The following ZGRF1 variants were observed in gnomAD, a reference collection of about 807,000 sequenced individuals.
ZGRF1 encodes 5'-3' DNA helicase ZGRF1.
Under a neutral mutation model 203.5 loss-of-function variants are expected in ZGRF1, and 196 were observed. The ratio of observed to expected loss-of-function variants is 0.96; its 90% CI spans 0.86 to 1.08. The LOEUF (loss-of-function observed/expected upper bound fraction) is 1.08. ZGRF1 is among the 50% of genes least tolerant of loss of function. The pLI is 0.00. For synonymous variants in ZGRF1, 809 were observed against 841.3 expected (o/e 0.96, Z 0.66); for missense variants, 2,326 against 2,416.3 (o/e 0.96, Z 0.78).
Position 112,563,224 on chromosome 4 carries a change from TAA to T in ZGRF1, c.4487_4488del (p.Phe1496TyrfsTer4). ...GGTCCAAAGAAAGCACTACATGCGA[TAA>T]AAGTATCCAGCTCAAAGTCTAGGGT... ...SKTLDFELDT[F>X]IACSAFFGPS... On this transcript the variant is annotated frameshift_variant, in exon 17 of 28. Coordinates refer to ENST00000505019, the MANE Select transcript of ZGRF1 (RefSeq NM_018392.5). LOFTEE classifies it high-confidence loss of function. The T allele has an allele frequency of 6.4e-7, 1 of 1,551,348 alleles. No homozygotes were observed. The highest frequency in any genetic ancestry group is 8.7e-7 in the Non-Finnish European group (1 of 1,146,804).
At chr4:112,630,444 G>C (rs560552482) in intron 3 of ZGRF1, among the ~76,000 whole-genome samples, 1 of 152,222 alleles carries the variant, frequency 6.6e-6, no homozygotes, top group East Asian at 1.9e-4. Flanking sequence ...CCTGAACCTG[G>C]GAGGCAGAGG....
Position 112,619,555 on chromosome 4 carries a change from T to C in ZGRF1, c.487A>G (p.Thr163Ala), listed in dbSNP as rs1393197798. The change falls in exon 6 of 28, where the codon ACT (threonine) becomes GCT (alanine). Residue 163 changes from threonine (T) to alanine (A), a missense_variant. Physicochemically the swap from Thr to Ala is moderately conservative, Grantham distance 58. Coordinates refer to ENST00000505019, the MANE Select transcript of ZGRF1 (RefSeq NM_018392.5). ...TTATTTACATCTTTCTTGCCAACAGTAGGAAACAAAGGAGGCATGCTGCAG... is the reference window on the plus strand; with the variant it reads ...TTATTTACATCTTTCTTGCCAACAGCAGGAAACAAAGGAGGCATGCTGCAG... Reference protein sequence around the residue: ...PFCSMPPLFPTVGKKDVNNIL... With the variant: ...PFCSMPPLFPAVGKKDVNNIL... 1.9e-6 allele frequency: 3 copies of C among 1,614,080 alleles called. No homozygotes were observed. Among genetic ancestry groups the C allele is most frequent in the Admixed American group, 1.7e-5 (1 of 60,016 alleles).
At chr4:112,540,178 C>T (rs1345456373) in intron 26 of ZGRF1, 54 bp from the exon 27 acceptor site, 3 of 1,343,960 alleles carry the variant, frequency 2.2e-6, no homozygotes, top group Non-Finnish European at 2.9e-6. Flanking sequence ...GAACTTAAGC[C>T]TCTGAACCTG....
rs764235623 is a variant in ZGRF1, at chr4:112,606,025, TTCTC to T, written c.2781_2784del (p.Arg928LysfsTer15). ...AATTTTACCTTAGGGTCACAGGTTT[TTCTC>T]TCTATTTGTTTAGGAATAACAGCTT... On this transcript the variant is annotated frameshift_variant, in exon 9 of 28. Coordinates refer to ENST00000505019, the MANE Select transcript of ZGRF1 (RefSeq NM_018392.5). LOFTEE classifies it high-confidence loss of function. 1.4e-5 allele frequency: 22 copies of T among 1,599,558 alleles called. No homozygotes were observed. Among genetic ancestry groups the T allele is most frequent in the Middle Eastern group, 1.6e-4 (1 of 6,062 alleles).
At chr4:112,553,066 C>T (rs998076398) in intron 22 of ZGRF1, among the ~76,000 whole-genome samples, 1 of 152,208 alleles carries the variant, frequency 6.6e-6, no homozygotes, top group African/African-American at 2.4e-5. Flanking sequence ...TTTGTTAACC[C>T]TCATTATTTC....
At chr4:112,576,005 TAGCCTA>T (rs754463678) in intron 16 of ZGRF1, among the ~76,000 whole-genome samples, 56 of 152,258 alleles carry the variant, frequency 3.7e-4, no homozygotes, top group Non-Finnish European at 6.6e-4. Flanking sequence ...GACCCCCAAG[TAGCCTA>T]ACTGGGAGGC....
chr4:112,588,211 CTT>C (rs1462947658), intron 11 of ZGRF1, among the ~76,000 whole-genome samples: 1 of 151,672 alleles, frequency 6.6e-6, no homozygotes, highest in Non-Finnish European at 1.5e-5. Context: ...TTATATAGCA[CTT>C]AACATTTTCA....
intron 10 of ZGRF1, among the ~76,000 whole-genome samples, chr4:112,593,603 T>C (rs1382488216): frequency 6.6e-6 from 1 of 152,146 alleles, no homozygotes; most frequent in East Asian, 1.9e-4. Flanking sequence ...TAATTACCAT[T>C]TTCTGTTTCA....
chr4:112,584,040 A>C lies in ZGRF1; in HGVS notation c.4236T>G (p.Ser1412Arg). The C allele has an allele frequency of 6.2e-7, 1 of 1,613,054 alleles. No individual in the cohort carries two copies. The highest frequency in any genetic ancestry group is 8.5e-7 in the Non-Finnish European group (1 of 1,179,572). Residue 1412 changes from serine (S) to arginine (R), a missense_variant, in exon 15 of 28, where the codon AGT becomes AGG. Transcript: ENST00000505019. ...RPGMVLSDIK[S>R]IGLYLRSQKI... ...TTTGACTTCTTAAATATAAGCCAATACTCTTAATATCACTTAAAACCATGC... is the reference window on the plus strand; with the variant it reads ...TTTGACTTCTTAAATATAAGCCAATCCTCTTAATATCACTTAAAACCATGC...
intron 19 of ZGRF1, among the ~76,000 whole-genome samples, chr4:112,559,556 C>T (rs528809473): frequency 6.6e-6 from 1 of 152,208 alleles, no homozygotes; most frequent in South Asian, 2.1e-4. Context: ...TGAAGTAAGG[C>T]AAAACTAGTG....
rs1357658865 is a variant in ZGRF1 at position 112,601,252 on chromosome 4, T to A, written c.2976+2272A>T. Reference sequence around the variant, plus strand: ...GTGAAACAACATCTCAAAAAAATTTTAAAAATTAGCTGGGCAGCCGGGAGT... The same window carrying A: ...GTGAAACAACATCTCAAAAAAATTTAAAAAATTAGCTGGGCAGCCGGGAGT... On this transcript the variant is annotated intron_variant, in intron 10 of 27. Coordinates refer to ENST00000505019, the MANE Select transcript of ZGRF1 (RefSeq NM_018392.5). Among the ~76,000 whole-genome samples, 4 of 151,876 alleles carry A rather than the reference T, an allele frequency of 2.6e-5. No homozygotes were observed. In the South Asian group the frequency reaches 6.2e-4, roughly 24 times the overall value.
At position 112,620,114 on chromosome 4, in the gene ZGRF1, C is replaced by G. The variant is rs2047016065; in HGVS notation, c.239G>C (p.Gly80Ala). Residue 80 changes from glycine to alanine, a missense_variant, in exon 5 of 28, where the codon GGT (glycine) becomes GCT (alanine). Transcript: ENST00000505019. ...VEEVKVAGAIGIVKQNVNKEA... is the reference protein window; with the variant it reads ...VEEVKVAGAIAIVKQNVNKEA... ...TTTATTGACATTCTGCTTAACAATA[C>G]CTATGGCTCCAGCAACTTTAACCTC... The G allele has an allele frequency of 1.9e-6, 3 of 1,613,380 alleles. No individual in the cohort carries two copies. Among genetic ancestry groups the G allele is most frequent in the Non-Finnish European group, 2.5e-6 (3 of 1,179,666 alleles).
At chr4:112,609,592 G>A (rs543016903) in intron 7 of ZGRF1, among the ~76,000 whole-genome samples, 163 bp from the exon 8 acceptor site, 1 of 151,110 alleles carries the variant, frequency 6.6e-6, no homozygotes, top group Admixed American at 6.6e-5. Context: ...GATCACCTGA[G>A]GTAAGGAGTT....
intron 10 of ZGRF1, among the ~76,000 whole-genome samples, chr4:112,595,933 TG>T (rs1748931280): frequency 6.6e-6 from 1 of 152,202 alleles, no homozygotes. Flanking sequence ...CAGAATTTCT[TG>T]TAAGTCCAGA....
chr4:112,616,602 C>T (rs1319263053), intron 6 of ZGRF1, among the ~76,000 whole-genome samples: 66 of 151,040 alleles, frequency 4.4e-4, no homozygotes, highest in African/African-American at 1.5e-3. Flanking sequence ...TTTGGGAGGC[C>T]GAGGTGGGCA....
At chr4:112,576,962 A>G (rs977037992) in intron 16 of ZGRF1, among the ~76,000 whole-genome samples, 3 of 151,860 alleles carry the variant, frequency 2.0e-5, no homozygotes, top group African/African-American at 7.3e-5. Flanking sequence ...CAGCAACTCC[A>G]ACACACATAA....
At chr4:112,544,405 G>A (rs1738324746) in intron 24 of ZGRF1, among the ~76,000 whole-genome samples, 1 of 152,218 alleles carries the variant, frequency 6.6e-6, no homozygotes, top group Non-Finnish European at 1.5e-5. Flanking sequence ...AGATTCTGGG[G>A]TGGAAGTAGA....
chr4:112,588,852 C>T (rs535691069), intron 11 of ZGRF1, among the ~76,000 whole-genome samples: 1 of 152,154 alleles, frequency 6.6e-6, no homozygotes, highest in South Asian at 2.1e-4. Context: ...TCTAACAAGT[C>T]GATCAAGTAA....
At chr4:112,602,098 G>T (rs559163866) in intron 10 of ZGRF1, among the ~76,000 whole-genome samples, 1 of 152,198 alleles carries the variant, frequency 6.6e-6, no homozygotes, top group East Asian at 1.9e-4. Context: ...AGCTACTTGG[G>T]AGGCTGAGGC....
Sources: gnomAD v4.1 joint callset for allele counts (sites outside exome capture counted in the v4.1 genomes callset) on GRCh38, gnomAD v4.1.1 for gene constraint, MANE v1.5 for transcripts, NCBI Gene and HGNC (gene_info 2026-07-23, HGNC 2026-07-21) for gene names.